GALNS: variants seen among roughly 807,000 people sequenced by gnomAD.
The protein encoded by GALNS is galactosamine (N-acetyl)-6-sulfatase.
A neutral mutation model predicts 65.9 loss-of-function variants in GALNS; 65 were observed. The ratio of observed to expected loss-of-function variants is 0.99; its 90% CI spans 0.81 to 1.21. The LOEUF is 1.21. GALNS is among the 50% of genes most tolerant of loss of function. The pLI is 0.00. For synonymous variants in GALNS, 346 were observed against 288.9 expected, an observed-to-expected ratio of 1.20 and a Z score of -2.00; for missense variants, 776 against 700.7, an observed-to-expected ratio of 1.11 and a Z score of -1.21.
At position 88,822,677 on chromosome 16, in the gene GALNS, CT is replaced by C. The variant is rs2142992383; in HGVS notation, c.1275del (p.Val427SerfsTer14). ...GIDFCPGQNVSGVTTHNLEDH... is the reference protein window; with the variant it reads ...GIDFCPGQNVXGVTTHNLEDH... ...TCTTCCAGATTGTGAGTTGTGACCC[CT>C]GAAACGTTCTGCCCAGGGCAGAAAT... On this transcript the variant is annotated frameshift_variant, in exon 12 of 14. Coordinates refer to ENST00000268695, the MANE Select transcript of GALNS (RefSeq NM_000512.5). LOFTEE classifies it high-confidence loss of function. The C allele has an allele frequency of 6.2e-7, 1 of 1,613,052 alleles. No homozygotes were observed. The highest frequency in any genetic ancestry group is 8.5e-7 in the Non-Finnish European group (1 of 1,179,792).
intron 8 of GALNS, among the ~76,000 whole-genome samples, chr16:88,833,321 G>A (rs1005787636): frequency 6.6e-6 from 1 of 152,164 alleles, no homozygotes; most frequent in South Asian, 2.1e-4. Context: ...CAGAGCCACA[G>A]AACCTGTGAA....
At position 88,816,301 on chromosome 16, in the gene GALNS, G is replaced by T. The variant is rs944350132; in HGVS notation, c.1482+1706C>A. ...CACTGCAGCCTGGGTCGTAGAGAAG[G>T]ACCCAGCAGCACGGAGTGGGATTGG... On this transcript the variant is annotated intron_variant, in intron 13 of 13. Coordinates refer to ENST00000268695, the MANE Select transcript of GALNS (RefSeq NM_000512.5). 7.1e-6 allele frequency: 7 copies of T among 985,316 alleles called. No homozygotes were observed. The East Asian group carries it at 7.9e-4, about 112-fold the overall frequency. 61.0% of individuals were successfully genotyped at this position (985,316 alleles called of 1,614,324 possible).
chr16:88,843,385 G>A (rs962562575), intron 1 of GALNS: 14 of 420,846 alleles, frequency 3.3e-5, no homozygotes, highest in East Asian at 1.5e-4. Flanking sequence ...GCATACGAGC[G>A]TCCAGGGCAG....
intron 13 of GALNS, 56 bp from the exon 14 acceptor site, chr16:88,814,581 C>T (rs528165421): frequency 1.6e-5 from 24 of 1,548,178 alleles, no homozygotes; most frequent in Admixed American, 2.0e-5. Context: ...CTTCTGGACC[C>T]AGCAGCAGCG....
Position 88,835,754 on chromosome 16 carries a change from T to C in GALNS, c.729A>G (p.Lys243=). ...DATHAPVYAS[K]PFLGTSQRGR... Reference sequence around the variant, plus strand: ...CTCGCTGACTGGTGCCCAAGAAGGGTTTGGAGGCATAGACGGGTGCGTGCG... The same window carrying C: ...CTCGCTGACTGGTGCCCAAGAAGGGCTTGGAGGCATAGACGGGTGCGTGCG... Residue 243 remains lysine, a synonymous_variant, in exon 7 of 14, where the codon AAA becomes AAG. Coordinates refer to ENST00000268695, the MANE Select transcript of GALNS (RefSeq NM_000512.5). 2 of 1,614,060 alleles carry C rather than the reference T, an allele frequency of 1.2e-6. No individual in the cohort carries two copies. The highest frequency in any genetic ancestry group is 1.7e-6 in the Non-Finnish European group (2 of 1,180,012).
At chr16:88,855,287 G>A (rs922092492) in intron 1 of GALNS, 1 of 700,328 alleles carries the variant, frequency 1.4e-6, no homozygotes, top group Non-Finnish European at 2.6e-6. Flanking sequence ...TTCACCTGCA[G>A]AGCCCAGCTC....
chr16:88,814,470 G>C lies in GALNS; in HGVS notation c.1538C>G (p.Ser513Cys). The change falls in exon 14 of 14, where the codon TCC becomes TGC. Residue 513 changes from serine to cysteine, a missense_variant. Physicochemically the swap from Ser to Cys is moderately radical, Grantham distance 112. Coordinates refer to ENST00000268695, the MANE Select transcript of GALNS (RefSeq NM_000512.5). Reference protein sequence around the residue: ...KLGKCLTPPESIPKKCLWSH With the variant: ...KLGKCLTPPECIPKKCLWSH ...GGACCAGAGGCACTTCTTGGGAATG[G>C]ATTCTGGAGGTGTCAGACACTTCCC... 1.3e-6 allele frequency: 2 copies of C among 1,563,784 alleles called. No individual in the cohort carries two copies. Among genetic ancestry groups the C allele is most frequent in the South Asian group, 1.2e-5 (1 of 84,858 alleles).
At chr16:88,835,907 C>G (rs1214097331) in intron 6 of GALNS, 58 bp from the exon 7 acceptor site, 1 of 1,611,656 alleles carries the variant, frequency 6.2e-7, no homozygotes, top group Non-Finnish European at 8.5e-7. Flanking sequence ...TCATGCCTCC[C>G]ACGGTCCCCG....
At chr16:88,828,864 T>TGGGGAGCAGAGCCCCAGCCC (rs1306343722) in intron 9 of GALNS, among the ~76,000 whole-genome samples, 1 of 152,186 alleles carries the variant, frequency 6.6e-6, no homozygotes, top group Non-Finnish European at 1.5e-5. Context: ...GCTCCCAGCC[T>TGGGGAGCAGAGCCCCAGCCC]GGGGAGCAGA....
intron 4 of GALNS, among the ~76,000 whole-genome samples, chr16:88,840,147 C>A (rs34495980): frequency 0.22 from 33,237 of 152,200 alleles, 4,389 homozygotes; most frequent in East Asian, 0.56. Flanking sequence ...TTCCTCTCAT[C>A]TGAAGAATGA....
intron 13 of GALNS, chr16:88,815,196 G>A (rs1388322788): frequency 1.4e-5 from 14 of 985,354 alleles, no homozygotes; most frequent in Non-Finnish European, 1.7e-5. Flanking sequence ...TCTCAGCTCT[G>A]AAGGCTGCCA....
chr16:88,838,809 G>C (rs1400106298), intron 4 of GALNS: 2 of 152,356 alleles, frequency 1.3e-5, no homozygotes, highest in African/African-American at 2.4e-5. Flanking sequence ...TTCTTCTGCA[G>C]CTACGGCTTT....
Position 88,833,805 on chromosome 16 carries a change from T to C in GALNS, c.898+1408A>G, listed in dbSNP as rs182603659. Among the ~76,000 whole-genome samples the C allele has an allele frequency of 2.6e-5, 4 of 152,376 alleles. No homozygotes were observed. In the East Asian group the frequency reaches 7.7e-4, roughly 29 times the overall value. On this transcript the variant is annotated intron_variant, in intron 8 of 13. Transcript: ENST00000268695. ...CTGTTTCTAGTCTTGTGCTGGGTGC[T>C]GGGTGTGTGGGTTCTCATCTTGTTA...
intron 13 of GALNS, chr16:88,816,089 A>G: frequency 6.1e-6 from 6 of 985,450 alleles, no homozygotes; most frequent in Non-Finnish European, 7.2e-6. Context: ...TGGGCCCCTC[A>G]GACCCCAGTG....
At chr16:88,848,107 A>T (rs1967335077) in intron 1 of GALNS, among the ~76,000 whole-genome samples, 1 of 152,212 alleles carries the variant, frequency 6.6e-6, no homozygotes, top group Non-Finnish European at 1.5e-5. Context: ...GAGCCGTAAG[A>T]TTCCATTCAC....
At chr16:88,826,970 A>G (rs1236070592) in intron 9 of GALNS, 132 bp from the exon 10 acceptor site, 10 of 1,098,054 alleles carry the variant, frequency 9.1e-6, no homozygotes, top group Non-Finnish European at 1.3e-5. Flanking sequence ...TCACACGCCC[A>G]CAGCAGGGAC....
rs1340278718 is a variant in GALNS, at chr16:88,818,082, G to C, written c.1407C>G (p.Thr469=). 2 of 1,574,504 alleles carry C rather than the reference G, an allele frequency of 1.3e-6. No individual in the cohort carries two copies. Among genetic ancestry groups the C allele is most frequent in the South Asian group, 1.2e-5 (1 of 86,416 alleles). ...AEYQEALSRI[T]SVVQQHQEAL... ...CCTCCTGGTGCTGCTGGACGACCGA[G>C]GTGATCCTGCTGAGGGCCTCCTGGT... Residue 469 remains threonine, a synonymous_variant, in exon 13 of 14, where the codon ACC becomes ACG. Transcript: ENST00000268695.
chr16:88,856,767 G>A lies in GALNS; in HGVS notation c.111C>T (p.Leu37=), dbSNP rs1443269782. 2.6e-6 allele frequency: 4 copies of A among 1,537,660 alleles called. No homozygotes were observed. The highest frequency in any genetic ancestry group is 3.5e-6 in the Non-Finnish European group (4 of 1,149,968). The change falls in exon 1 of 14, where the codon CTC becomes CTT. Residue 37 remains leucine (L), a synonymous_variant. Transcript: ENST00000268695. Reference sequence around the variant, plus strand: ...CACCGCCCGCACTCACGTCGTCCATGAGCAGGAGCAGGATGTTGGGGGGCT... The same window carrying A: ...CACCGCCCGCACTCACGTCGTCCATAAGCAGGAGCAGGATGTTGGGGGGCT... The part of the protein sequence containing the change: ...APQPPNILLL[L]MDDMGWGDLG...
At chr16:88,840,730 G>A in intron 4 of GALNS, 1 of 516,168 alleles carries the variant, frequency 1.9e-6, no homozygotes, top group Non-Finnish European at 3.5e-6. Flanking sequence ...GTGACTCGAG[G>A]GATGACGGTG....
Sources: gnomAD v4.1 joint callset for allele counts (sites outside exome capture counted in the v4.1 genomes callset) on GRCh38, gnomAD v4.1.1 for gene constraint, MANE v1.5 for transcripts, NCBI Gene and HGNC (gene_info 2026-07-23, HGNC 2026-07-21) for gene names.